Variants in CELF2 observed in about 807,000 individuals in gnomAD.
CELF2 encodes CUG triplet repeat RNA-binding protein 2.
A neutral mutation model predicts 62.6 loss-of-function variants in CELF2; 8 were observed. The ratio of observed to expected loss-of-function variants is 0.13; its 90% CI spans 0.07 to 0.23. The LOEUF (loss-of-function observed/expected upper bound fraction) is 0.23, where lower values mean the gene tolerates loss of function less well. Ranked by LOEUF, CELF2 falls within the 10% of genes least tolerant of loss-of-function variation. The pLI is 1.00. For missense variants in CELF2, 333 were observed against 671.0 expected, an observed-to-expected ratio of 0.50 and a Z score of 5.56; for synonymous variants, 258 against 250.0, an observed-to-expected ratio of 1.03 and a Z score of -0.30.
chr10:10,712,011 C>T, the CELF2 span, among the ~76,000 whole-genome samples: 1 of 152,074 alleles, frequency 6.6e-6, no homozygotes, highest in African/African-American at 2.4e-5. Flanking sequence ...CAGTTCTCAA[C>T]ATCCCAAGGC....
At chr10:10,664,066 A>G in the CELF2 span, among the ~76,000 whole-genome samples, 1 of 152,204 alleles carries the variant, frequency 6.6e-6, no homozygotes, top group African/African-American at 2.4e-5. Context: ...CCTCAGAGTC[A>G]AAAAACTATA....
At chr10:10,919,853 G>A (rs1047247332) in intron 1 of CELF2, 12 of 618,722 alleles carry the variant, frequency 1.9e-5, no homozygotes, top group African/African-American at 7.6e-5. Context: ...CTGCATGTAC[G>A]GTATCTTCTT....
chr10:10,519,037 A>T, the CELF2 span, among the ~76,000 whole-genome samples: 1 of 152,218 alleles, frequency 6.6e-6, no homozygotes, highest in Non-Finnish European at 1.5e-5. Flanking sequence ...ATAACATAGG[A>T]TGATCTGAGA....
chr10:11,161,800 G>C (rs2065786087), intron 1 of CELF2, among the ~76,000 whole-genome samples: 1 of 152,168 alleles, frequency 6.6e-6, no homozygotes, highest in African/African-American at 2.4e-5. Context: ...CTTCTCAGGG[G>C]TCTTGCTGAG....
intron 2 of CELF2, among the ~76,000 whole-genome samples, chr10:11,189,429 G>C (rs988671211): frequency 6.6e-6 from 1 of 152,140 alleles, no homozygotes; most frequent in African/African-American, 2.4e-5. Flanking sequence ...GGAGTGTTTA[G>C]ATAATTAACA....
At chr10:11,209,805 A>AGT (rs2061368671) in intron 2 of CELF2, among the ~76,000 whole-genome samples, 1 of 152,050 alleles carries the variant, frequency 6.6e-6, no homozygotes, top group Non-Finnish European at 1.5e-5. Flanking sequence ...AAAGGTATTA[A>AGT]ATTCTTCTCC....
At chr10:10,644,427 G>GTGTT in the CELF2 span, among the ~76,000 whole-genome samples, 1 of 150,206 alleles carries the variant, frequency 6.7e-6, no homozygotes, top group African/African-American at 2.5e-5. Context: ...GTGTGTGTGT[G>GTGTT]TTTGCACTTC....
chr10:10,736,399 T>TCTTTCTTTCTTTCTTTCTTTC, the CELF2 span, among the ~76,000 whole-genome samples: 95 of 141,368 alleles, frequency 6.7e-4, no homozygotes, highest in Non-Finnish European at 1.1e-3. Context: ...TTTCTTTCTT[T>TCTTTCTTTCTTTCTTTCTTTC]TTTTTTTTTT....
the CELF2 span, among the ~76,000 whole-genome samples, chr10:10,592,802 T>C: frequency 6.6e-6 from 1 of 152,068 alleles, no homozygotes; most frequent in Non-Finnish European, 1.5e-5. Context: ...GAAGAAAGCA[T>C]GGGGGCGTTG....
chr10:10,601,430 A>G, the CELF2 span, among the ~76,000 whole-genome samples: 1 of 152,208 alleles, frequency 6.6e-6, no homozygotes. Context: ...GATCTAAAGA[A>G]CTTTTGATAA....
intron 1 of CELF2, among the ~76,000 whole-genome samples, chr10:11,068,813 G>A (rs924530959): frequency 6.6e-6 from 1 of 152,142 alleles, no homozygotes; most frequent in African/African-American, 2.4e-5. Flanking sequence ...ACCCGCCTCA[G>A]CTTCCCAAAG....
the CELF2 span, among the ~76,000 whole-genome samples, chr10:10,511,165 T>G: frequency 6.6e-6 from 1 of 152,162 alleles, no homozygotes; most frequent in African/African-American, 2.4e-5. Flanking sequence ...ATCTCAGCAC[T>G]TTGGGAGGCC....
At position 11,017,969 on chromosome 10, in the gene CELF2, C is replaced by T; in HGVS notation, c.-121C>T. The T allele has an allele frequency of 1.0e-6, 1 of 988,498 alleles. No homozygotes were observed. The highest frequency in any genetic ancestry group is 1.8e-5 in the African/African-American group (1 of 56,976). 61.2% of individuals were successfully genotyped at this position (988,498 alleles called of 1,614,324 possible). On this transcript the variant is annotated 5_prime_UTR_variant, in exon 1 of 13. Transcript: ENST00000633077. This position sits in a 1 kb window ranked among gnomAD's most constrained non-coding sequence, Gnocchi z 5.5. ...CGCGAGGAGAGAATGTGACAAGTGC[C>T]GGCTCGGCGGCCGCCGGGGGAGGCC... is the stretch of plus-strand genomic sequence containing the variant.
intron 2 of CELF2, among the ~76,000 whole-genome samples, chr10:10,964,143 G>A (rs897575830): frequency 6.6e-6 from 1 of 152,102 alleles, no homozygotes; most frequent in African/African-American, 2.4e-5. Flanking sequence ...TGCAATTATT[G>A]GACAAGTTTG....
In CELF2 at chr10:11,124,174, G is replaced by A. The variant is rs1375292716; in HGVS notation, c.75-41312G>A. On this transcript the variant is annotated intron_variant, in intron 1 of 12. Coordinates refer to ENST00000633077, the MANE Select transcript of CELF2 (RefSeq NM_001326342.2). ...ATCTGGTGCTGCCCTTGACACATGG[G>A]GATCATTACAATTCAAGGTGAGATT... 2.0e-5 allele frequency among the ~76,000 whole-genome samples: 3 copies of A among 152,032 alleles called. No homozygotes were observed. The East Asian group carries it at 5.8e-4, about 29-fold the overall frequency.
At chr10:10,889,435 A>T (rs1021165703) in intron 1 of CELF2, among the ~76,000 whole-genome samples, 5 of 152,124 alleles carry the variant, frequency 3.3e-5, no homozygotes, top group Non-Finnish European at 7.3e-5. Context: ...TTTAAAAGAA[A>T]TTTTTTTGCT....
chr10:11,127,040 T>C (rs1595786335), intron 1 of CELF2, among the ~76,000 whole-genome samples: 2 of 152,250 alleles, frequency 1.3e-5, no homozygotes, highest in East Asian at 3.9e-4. Flanking sequence ...ATGCTATCTG[T>C]CTGCCAGCCC....
intron 9 of CELF2, among the ~76,000 whole-genome samples, chr10:11,291,293 A>T (rs1326399356): frequency 1.3e-5 from 2 of 152,188 alleles, no homozygotes; most frequent in African/African-American, 4.8e-5. Context: ...TTGTAAATTT[A>T]TCATTTCAAT....
At chr10:11,142,683 C>CAAAAAAAAAAAAAA (rs1006618543) in intron 1 of CELF2, among the ~76,000 whole-genome samples, 1 of 63,716 alleles carries the variant, frequency 1.6e-5, no homozygotes, top group African/African-American at 5.7e-5. Flanking sequence ...GACGCTGTCT[C>CAAAAAAAAAAAAAA]AAAAAAAAAA....
Sources: allele counts gnomAD v4.1 joint callset (sites outside exome capture counted in the v4.1 genomes callset), GRCh38; gene constraint gnomAD v4.1.1; non-coding constraint Gnocchi (gnomAD v3.1); transcripts MANE v1.5; gene names NCBI Gene and HGNC (gene_info 2026-07-23, HGNC 2026-07-21).